Variants in LMO3 observed in about 807,000 individuals in gnomAD.
LMO3 encodes LIM domain only protein 3.
LMO3 carries 2 observed loss-of-function variants against 15.8 expected under a neutral mutation model. That is an observed-to-expected ratio of 0.13 (90% CI 0.05 to 0.40). The LOEUF (loss-of-function observed/expected upper bound fraction) is 0.40, where lower values mean the gene tolerates loss of function less well. Among genes scored for constraint, LMO3 ranks in the 10% least tolerant of loss-of-function variants. LMO3 has a pLI of 0.99. For missense variants in LMO3, 86 were observed against 182.2 expected, an observed-to-expected ratio of 0.47 and a Z score of 3.04; for synonymous variants, 62 against 63.8, an observed-to-expected ratio of 0.97 and a Z score of 0.13.
intron 2 of LMO3, among the ~76,000 whole-genome samples, chr12:16,570,349 C>G (rs779771275): frequency 1.3e-5 from 2 of 151,898 alleles, no homozygotes; most frequent in Admixed American, 6.6e-5. Flanking sequence ...TTTCCATACA[C>G]TATATATAAA....
intron 2 of LMO3, among the ~76,000 whole-genome samples, chr12:16,561,498 G>A (rs1266783807): frequency 6.6e-6 from 1 of 152,006 alleles, no homozygotes; most frequent in Non-Finnish European, 1.5e-5. Flanking sequence ...GCTCTCATGG[G>A]AAAGACCAAA....
Position 16,560,692 on chromosome 12 carries a change from T to C in LMO3, c.207-154A>G. ...TTTATCCTAGGTGTATGCATAAATA[T>C]TCTTCTGCAATATATTCTCCGTTGA... is the stretch of plus-strand genomic sequence containing the variant. On this transcript the variant is annotated intron_variant, in intron 2 of 3. Transcript: ENST00000537304. The surrounding 1 kb of genome is among the most constrained non-coding windows in gnomAD (Gnocchi z 5.0). 3.0e-6 allele frequency: 2 copies of C among 671,666 alleles called. No homozygotes were observed. The highest frequency in any genetic ancestry group is 3.7e-5 in the South Asian group (2 of 54,052). The allele number at this position is 671,666 out of a possible 1,614,324, so 41.6% of individuals were successfully genotyped here. A position where few individuals can be genotyped will look rare whatever the true frequency, so the allele number is the denominator to read the frequency against.
At chr12:16,583,622 A>G (rs1407327343) in intron 2 of LMO3, among the ~76,000 whole-genome samples, 1 of 152,226 alleles carries the variant, frequency 6.6e-6, no homozygotes, top group East Asian at 1.9e-4. Flanking sequence ...TAAGAGGCTG[A>G]TTTATATCAA....
At chr12:16,609,648 T>C (rs1456733041), upstream of LMO3, 1 of 151,982 alleles carries the variant, frequency 6.6e-6, no homozygotes, top group African/African-American at 2.4e-5. Context: ...TATATTGTGA[T>C]ACCTTGATGA....
rs80062946 is a variant in LMO3, at chr12:16,561,536, C to A, written c.207-998G>T. ...AAAAGCAGTTCTAAACTAATGAATT[C>A]AAAGGTGCTATAGAGAAAACTCATT... is the stretch of plus-strand genomic sequence containing the variant. On this transcript the variant is annotated intron_variant, in intron 2 of 3. Transcript: ENST00000537304. 3.8e-3 allele frequency among the ~76,000 whole-genome samples: 584 copies of A among 152,178 alleles called. 5 individuals carry two copies. In the East Asian group the frequency reaches 0.04, roughly 11 times the overall value.
intron 2 of LMO3, among the ~76,000 whole-genome samples, chr12:16,568,674 A>C (rs533366622): frequency 6.6e-6 from 1 of 152,358 alleles, no homozygotes; most frequent in Non-Finnish European, 1.5e-5. Flanking sequence ...CATTGCATTA[A>C]ATACGTTGTT....
chr12:16,588,097 T>C (rs1943377037), intron 2 of LMO3, among the ~76,000 whole-genome samples: 2 of 152,098 alleles, frequency 1.3e-5, no homozygotes, highest in African/African-American at 4.8e-5. Flanking sequence ...AAAAAGCTAC[T>C]AAGACATAGT....
chr12:16,560,390 A>G lies in LMO3; in HGVS notation c.332+23T>C, dbSNP rs749606460. ...CACAGAGAGGTTAACCATTTCTTAG[A>G]GACCAAAAAGAGACCTGCTTACCTC... is the stretch of plus-strand genomic sequence containing the variant. On this transcript the variant is annotated intron_variant, in intron 3 of 3. Transcript: ENST00000537304. This position sits in a 1 kb window ranked among gnomAD's most constrained non-coding sequence, Gnocchi z 5.0. 2 of 1,606,568 alleles carry G rather than the reference A, an allele frequency of 1.2e-6. No homozygotes were observed. Among genetic ancestry groups the G allele is most frequent in the Admixed American group, 3.4e-5 (2 of 58,638 alleles).
rs2137277621 is a variant in LMO3 at position 16,555,011 on chromosome 12, A to G, written c.333-3684T>C. Among the ~76,000 whole-genome samples the G allele has an allele frequency of 6.6e-6, 1 of 152,326 alleles. No homozygotes were observed. Among genetic ancestry groups the G allele is most frequent in the East Asian group, 1.9e-4 (1 of 5,186 alleles). ...TTTCTTCTAACTGTAATCTTGGGCA[A>G]GTTACTTACATTTCCTATACTTTAC... On this transcript the variant is annotated intron_variant, in intron 3 of 3. Transcript: ENST00000537304. This position sits in a 1 kb window ranked among gnomAD's most constrained non-coding sequence, Gnocchi z 5.5.
In LMO3 at chr12:16,566,041, A is replaced by T. The variant is rs867592398; in HGVS notation, c.207-5503T>A. 3.3e-3 allele frequency among the ~76,000 whole-genome samples: 297 copies of T among 90,732 alleles called. 5 individuals carry two copies. Among genetic ancestry groups the T allele is most frequent in the East Asian group, 0.017 (35 of 2,088 alleles). 59.5% of individuals were successfully genotyped at this position (90,732 alleles called of 152,430 possible). ...ATATATATATATATATATATATATA[A>T]AATGGAGTACTATTCAGCCATAAAA... On this transcript the variant is annotated intron_variant, in intron 2 of 3. Coordinates refer to ENST00000537304, the MANE Select transcript of LMO3 (RefSeq NM_018640.5).
rs919913024 is a variant in LMO3, at chr12:16,599,744, C to A, written c.206+911G>T. 6.6e-6 allele frequency: 1 copy of A among 152,076 alleles called. No homozygotes were observed. The highest frequency in any genetic ancestry group is 1.5e-5 in the Non-Finnish European group (1 of 68,008). The allele number at this position is 152,076 out of a possible 1,614,324, so 9.4% of individuals were successfully genotyped here. A position where few individuals can be genotyped will look rare whatever the true frequency, so the allele number is the denominator to read the frequency against. ...TTGCCTGAAAAGCAAAATAATTTTC[C>A]TTCAGCAGAAATTCTGTGTTGAGTA... On this transcript the variant is annotated intron_variant, in intron 2 of 3. Transcript: ENST00000537304. The surrounding 1 kb of genome is among the most constrained non-coding windows in gnomAD (Gnocchi z 4.1).
At chr12:16,605,875 C>T in intron 1 of LMO3, 191 bp downstream of exon 1, 1 of 1,505,878 alleles carries the variant, frequency 6.6e-7, no homozygotes, top group Non-Finnish European at 8.9e-7. Context: ...ATGATTTAAA[C>T]AAAACCGTCT....
chr12:16,601,033 C>G (rs1943807008), intron 1 of LMO3, among the ~76,000 whole-genome samples, 165 bp from the exon 2 acceptor site: 1 of 152,112 alleles, frequency 6.6e-6, no homozygotes, highest in Admixed American at 6.6e-5. Flanking sequence ...AAGTCTCAAA[C>G]TTTATCAAGT....
rs1319914208 is a variant in LMO3, at chr12:16,550,926, A to G, written c.*296T>C. 21 of 283,430 alleles carry G rather than the reference A, an allele frequency of 7.4e-5. No individual in the cohort carries two copies. In the East Asian group the frequency reaches 1.3e-3, roughly 17 times the overall value. 17.6% of individuals were successfully genotyped at this position (283,430 alleles called of 1,614,324 possible). On this transcript the variant is annotated 3_prime_UTR_variant, in exon 4 of 4. Coordinates refer to ENST00000537304, the MANE Select transcript of LMO3 (RefSeq NM_018640.5). ...ATTTGTGCTTCAAATATTACAATAC[A>G]TTATATACAATAGTCCAAAATAAAC...
In LMO3 at chr12:16,598,987, TAAAAGTCAA is replaced by T. The variant is rs1013355764; in HGVS notation, c.206+1659_206+1667del. ...GAGATACTGAAATTACAAACAAATG[TAAAAGTCAA>T]AAGGAGTCAAAAAGCTATGACTATT... On this transcript the variant is annotated intron_variant, in intron 2 of 3. Coordinates refer to ENST00000537304, the MANE Select transcript of LMO3 (RefSeq NM_018640.5). The surrounding 1 kb of genome is among the most constrained non-coding windows in gnomAD (Gnocchi z 4.3). 3 of 282,440 alleles carry T rather than the reference TAAAAGTCAA, an allele frequency of 1.1e-5. No homozygotes were observed. Among genetic ancestry groups the T allele is most frequent in the Non-Finnish European group, 2.1e-5 (3 of 141,030 alleles). The allele number at this position is 282,440 out of a possible 1,614,324, so 17.5% of individuals were successfully genotyped here. A position where few individuals can be genotyped will look rare whatever the true frequency, so the allele number is the denominator to read the frequency against.
At chr12:16,562,846 G>A (rs575214105) in intron 2 of LMO3, among the ~76,000 whole-genome samples, 2 of 152,284 alleles carry the variant, frequency 1.3e-5, no homozygotes, top group Non-Finnish European at 2.9e-5. Context: ...CTGCCCGTAC[G>A]GCGCACTGCT....
chr12:16,578,847 A>G (rs1356212896), intron 2 of LMO3, among the ~76,000 whole-genome samples: 2 of 151,758 alleles, frequency 1.3e-5, no homozygotes, highest in Non-Finnish European at 2.9e-5. Context: ...AACAACAACA[A>G]CAACAACAAC....
chr12:16,607,722 CT>C (rs1432396633), upstream of LMO3: 1 of 151,498 alleles, frequency 6.6e-6, no homozygotes, highest in Non-Finnish European at 1.5e-5. Flanking sequence ...TTTTTCTTCT[CT>C]TCACCATCAG....
At chr12:16,552,733 C>A (rs1942036488) in intron 3 of LMO3, among the ~76,000 whole-genome samples, 1 of 152,018 alleles carries the variant, frequency 6.6e-6, no homozygotes, top group Non-Finnish European at 1.5e-5. Flanking sequence ...ATCTTGAAAT[C>A]CTAGGGTTGT....
Sources: allele counts gnomAD v4.1 joint callset (sites outside exome capture counted in the v4.1 genomes callset), GRCh38; gene constraint gnomAD v4.1.1; non-coding constraint Gnocchi (gnomAD v3.1); transcripts MANE v1.5; gene names NCBI Gene and HGNC (gene_info 2026-07-23, HGNC 2026-07-21).